Variants in MMD2 observed in about 807,000 individuals in gnomAD.
MMD2 encodes the protein monocyte to macrophage differentiation associated 2.
A neutral mutation model predicts 33.5 loss-of-function variants in MMD2; 30 were observed. The observed-to-expected ratio is 0.90, with a 90% CI of 0.67 to 1.22. The LOEUF is 1.22. Among genes scored for constraint, MMD2 ranks in the 50% most tolerant of loss-of-function variants. MMD2 has a pLI of 0.00. For missense variants in MMD2, 364 were observed against 325.4 expected, an observed-to-expected ratio of 1.12 and a Z score of -0.91; for synonymous variants, 129 against 123.0, an observed-to-expected ratio of 1.05 and a Z score of -0.32.
chr7:4,953,700 A>ACCT (rs1225156053), intron 1 of MMD2, among the ~76,000 whole-genome samples: 2 of 151,728 alleles, frequency 1.3e-5, no homozygotes, highest in African/African-American at 4.8e-5. Flanking sequence ...CGAACTCCTG[A>ACCT]CCTCAGGTGA....
At chr7:4,952,940 G>A (rs1786288407) in intron 1 of MMD2, among the ~76,000 whole-genome samples, 1 of 151,904 alleles carries the variant, frequency 6.6e-6, no homozygotes, top group Non-Finnish European at 1.5e-5. Context: ...GCCTCCCAAA[G>A]TGTTGGGATT....
At chr7:4,954,705 C>T (rs553412640) in intron 1 of MMD2, among the ~76,000 whole-genome samples, 3 of 152,348 alleles carry the variant, frequency 2.0e-5, no homozygotes, top group Non-Finnish European at 4.4e-5. Flanking sequence ...AGGCATAAGC[C>T]ACCTTGCCCG....
At chr7:4,953,012 G>T (rs757513383) in intron 1 of MMD2, among the ~76,000 whole-genome samples, 1 of 151,740 alleles carries the variant, frequency 6.6e-6, no homozygotes, top group Non-Finnish European at 1.5e-5. Flanking sequence ...TGTTTGCTTA[G>T]TTGGTTTTTT....
In MMD2 at chr7:4,906,177, C is replaced by T. The variant is rs769154102; in HGVS notation, c.*1219G>A. 1 of 275,006 alleles carries T rather than the reference C, an allele frequency of 3.6e-6. No homozygotes were observed. The highest frequency in any genetic ancestry group is 2.2e-5 in the African/African-American group (1 of 45,842). The allele number at this position is 275,006 out of a possible 1,614,324, so 17.0% of individuals were successfully genotyped here. A position where few individuals can be genotyped will look rare whatever the true frequency, so the allele number is the denominator to read the frequency against. ...GAGACAGATTCTTTATCCAGAGAAT[C>T]TGAGATTCCAATTCAGATCCTGGAG... On this transcript the variant is annotated 3_prime_UTR_variant, in exon 7 of 7. Coordinates refer to ENST00000401401, the MANE Select transcript of MMD2 (RefSeq NM_198403.4).
downstream of MMD2, among the ~76,000 whole-genome samples, chr7:4,904,897 G>A (rs576815975): frequency 2.6e-5 from 4 of 152,224 alleles, no homozygotes; most frequent in Non-Finnish European, 5.9e-5. Flanking sequence ...GACGCCGGAG[G>A]GCAGGGGGCA....
the MMD2 span, among the ~76,000 whole-genome samples, chr7:4,895,230 C>T: frequency 2.6e-5 from 4 of 152,122 alleles, no homozygotes; most frequent in Non-Finnish European, 5.9e-5. Flanking sequence ...GCGACCACCA[C>T]CATGCCTGGC....
the MMD2 span, among the ~76,000 whole-genome samples, chr7:4,895,191 C>G: frequency 6.6e-6 from 1 of 151,930 alleles, no homozygotes; most frequent in Admixed American, 6.6e-5. Context: ...ATTCTCTTGC[C>G]TCAGCCTCTT....
intron 1 of MMD2, among the ~76,000 whole-genome samples, chr7:4,930,639 T>C (rs1172609398): frequency 5.3e-5 from 2 of 37,440 alleles, no homozygotes; most frequent in Non-Finnish European, 1.0e-4. Context: ...AGCGAGACTC[T>C]GTCTCCAAAA....
intron 1 of MMD2, among the ~76,000 whole-genome samples, chr7:4,953,321 C>T (rs7800341): frequency 0.34 from 50,844 of 150,710 alleles, 10,102 homozygotes; most frequent in Non-Finnish European, 0.46. Flanking sequence ...CTGGAAACAC[C>T]ATCAATATCA....
downstream of MMD2, among the ~76,000 whole-genome samples, chr7:4,903,542 C>T (rs1784822250): frequency 6.6e-6 from 1 of 152,214 alleles, no homozygotes; most frequent in Non-Finnish European, 1.5e-5. Flanking sequence ...GACTCAAATC[C>T]TTCCCTGGCC....
chr7:4,951,532 G>A (rs1786243485), intron 1 of MMD2, among the ~76,000 whole-genome samples: 1 of 152,054 alleles, frequency 6.6e-6, no homozygotes, highest in Non-Finnish European at 1.5e-5. Context: ...TGCAACCTCC[G>A]AGGCTTGTCC....
chr7:4,892,622 G>A, the MMD2 span, among the ~76,000 whole-genome samples: 1 of 114,676 alleles, frequency 8.7e-6, no homozygotes, highest in Non-Finnish European at 1.8e-5. Context: ...AAATAAATCT[G>A]AAAAAATTAA....
intron 4 of MMD2, among the ~76,000 whole-genome samples, chr7:4,912,677 T>C (rs577810926): frequency 1.1e-4 from 16 of 151,798 alleles, no homozygotes; most frequent in Non-Finnish European, 1.9e-4. Flanking sequence ...AGGAAGAGGG[T>C]CCTTTAAGTT....
intron 1 of MMD2, among the ~76,000 whole-genome samples, chr7:4,947,370 G>C (rs1417975703): frequency 6.7e-6 from 1 of 149,996 alleles, no homozygotes; most frequent in Non-Finnish European, 1.5e-5. Flanking sequence ...GCAGGAGGAA[G>C]GGAGAGAAGG....
chr7:4,907,041 CTT>C lies in MMD2; in HGVS notation c.*353_*354del, dbSNP rs1392484179. ...CCAGGTATAAACAACCCACAGGACT[CTT>C]TGCCAGATTCTTCAGGACCTTAGGA... On this transcript the variant is annotated 3_prime_UTR_variant, in exon 7 of 7. Transcript: ENST00000401401. 2 of 293,506 alleles carry C rather than the reference CTT, an allele frequency of 6.8e-6. No individual in the cohort carries two copies. Among genetic ancestry groups the C allele is most frequent in the Non-Finnish European group, 6.4e-6 (1 of 155,966 alleles). 18.2% of individuals were successfully genotyped at this position (293,506 alleles called of 1,614,324 possible). A position where few individuals can be genotyped will look rare whatever the true frequency, so the allele number is the denominator to read the frequency against.
chr7:4,895,942 C>G, the MMD2 span, among the ~76,000 whole-genome samples: 1 of 152,072 alleles, frequency 6.6e-6, no homozygotes, highest in South Asian at 2.1e-4. Flanking sequence ...TCACTCCTTC[C>G]CGGGAATCAT....
chr7:4,949,044 T>C (rs1216382151), intron 1 of MMD2, among the ~76,000 whole-genome samples: 2 of 151,994 alleles, frequency 1.3e-5, no homozygotes, highest in African/African-American at 4.8e-5. Flanking sequence ...AACCCATCTC[T>C]ACTAAAAATA....
downstream of MMD2, among the ~76,000 whole-genome samples, chr7:4,905,356 AAGGAGGAAGAGGAAGGGGAAG>A (rs1784848419): frequency 1.4e-5 from 2 of 144,722 alleles, no homozygotes; most frequent in Admixed American, 1.4e-4. This position sits in a 1 kb window ranked among gnomAD's most constrained non-coding sequence, Gnocchi z 5.0. Context: ...GGAGGAGGAG[AAGGAGGAAGAGGAAGGGGAAG>A]AGGAGGAAGG....
downstream of MMD2, among the ~76,000 whole-genome samples, chr7:4,903,613 T>G (rs1286524221): frequency 3.3e-5 from 5 of 152,146 alleles, no homozygotes; most frequent in Non-Finnish European, 5.9e-5. Flanking sequence ...TACAGAGAAG[T>G]CCTCCCAGGT....
Sources: gnomAD v4.1 joint callset for allele counts (sites outside exome capture counted in the v4.1 genomes callset) on GRCh38, gnomAD v4.1.1 for gene constraint, Gnocchi (gnomAD v3.1) non-coding constraint, MANE v1.5 for transcripts, NCBI Gene and HGNC (gene_info 2026-07-23, HGNC 2026-07-21) for gene names.